Variants in VEPH1 observed in about 807,000 individuals in gnomAD.
VEPH1 encodes the protein ventricular zone expressed PH domain containing 1.
A neutral mutation model predicts 85.2 loss-of-function variants in VEPH1; 80 were observed. The ratio of observed to expected loss-of-function variants is 0.94; its 90% CI spans 0.78 to 1.13. The LOEUF (loss-of-function observed/expected upper bound fraction) is 1.13. VEPH1 is among the 50% of genes most tolerant of loss of function. The pLI is 0.00. For missense variants in VEPH1, 955 were observed against 980.5 expected, an observed-to-expected ratio of 0.97 and a Z score of 0.35; for synonymous variants, 297 against 348.0, an observed-to-expected ratio of 0.85 and a Z score of 1.63.
chr3:157,295,771 A>G (rs1718048218), intron 11 of VEPH1, among the ~76,000 whole-genome samples: 1 of 152,166 alleles, frequency 6.6e-6, no homozygotes, highest in Admixed American at 6.5e-5. Flanking sequence ...CCTGGCCAAC[A>G]TGGTGAAACC....
At chr3:157,468,697 T>C (rs1736624847) in intron 3 of VEPH1, among the ~76,000 whole-genome samples, 1 of 152,122 alleles carries the variant, frequency 6.6e-6, no homozygotes, top group South Asian at 2.1e-4. Flanking sequence ...GTTGAAGAAA[T>C]ATATTATCAA....
At chr3:157,352,832 T>C (rs1725009586) in intron 9 of VEPH1, among the ~76,000 whole-genome samples, 3 of 152,212 alleles carry the variant, frequency 2.0e-5, no homozygotes, top group Admixed American at 2.0e-4. Flanking sequence ...CAAGTTTCTT[T>C]AAGCTGTGGA....
Position 157,363,569 on chromosome 3 carries a change from GT to G in VEPH1, c.1529del (p.Tyr510SerfsTer7). ...CTGAGTCTATATGTATAATATTTGGGTATGAAACTGAAGACTCCCCCAGCTG... is the reference window on the plus strand; with the variant it reads ...CTGAGTCTATATGTATAATATTTGGGATGAAACTGAAGACTCCCCCAGCTG... ...RSQLGESSVS[Y>X]PNIIHIDSEN... On this transcript the variant is annotated frameshift_variant, in exon 9 of 14. Transcript: ENST00000362010. LOFTEE classifies it high-confidence loss of function. 1 of 1,614,086 alleles carries G rather than the reference GT, an allele frequency of 6.2e-7. No homozygotes were observed. Among genetic ancestry groups the G allele is most frequent in the South Asian group, 1.1e-5 (1 of 91,078 alleles).
intron 9 of VEPH1, among the ~76,000 whole-genome samples, chr3:157,355,369 G>C (rs1725310316): frequency 6.6e-6 from 1 of 152,216 alleles, no homozygotes. Context: ...GGCAATCTCT[G>C]CTGTTGCCAG....
At chr3:157,357,223 C>T (rs1725542904) in intron 9 of VEPH1, among the ~76,000 whole-genome samples, 1 of 152,038 alleles carries the variant, frequency 6.6e-6, no homozygotes, top group African/African-American at 2.4e-5. Flanking sequence ...TTAGCAAGGT[C>T]CCTTTAAATC....
At chr3:157,329,920 C>A (rs780910270) in intron 9 of VEPH1, among the ~76,000 whole-genome samples, 62 of 152,196 alleles carry the variant, frequency 4.1e-4, no homozygotes, top group Non-Finnish European at 7.6e-4. Context: ...ATTAATTCAA[C>A]AGAGGCTGTA....
At chr3:157,312,602 A>G (rs1195461366) in intron 11 of VEPH1, among the ~76,000 whole-genome samples, 1 of 152,170 alleles carries the variant, frequency 6.6e-6, no homozygotes, top group Non-Finnish European at 1.5e-5. Flanking sequence ...GAGTGATATT[A>G]TCATCCAGTT....
chr3:157,262,726 A>G (rs1215286745), intron 13 of VEPH1, among the ~76,000 whole-genome samples: 1 of 152,202 alleles, frequency 6.6e-6, no homozygotes, highest in Non-Finnish European at 1.5e-5. Context: ...CAGTCCGGGC[A>G]AATGTTTAAA....
intron 9 of VEPH1, among the ~76,000 whole-genome samples, chr3:157,356,230 A>T (rs1559987841): frequency 6.6e-6 from 1 of 151,490 alleles, no homozygotes; most frequent in African/African-American, 2.4e-5. Context: ...ACAAACAAAC[A>T]ACAACAACAA....
chr3:157,467,615 G>A (rs551373932), intron 3 of VEPH1, among the ~76,000 whole-genome samples: 1 of 152,308 alleles, frequency 6.6e-6, no homozygotes, highest in African/African-American at 2.4e-5. Context: ...TCCAGGGGTG[G>A]CCAGGACAAG....
chr3:157,364,262 A>G, intron 8 of VEPH1, 41 bp downstream of exon 8: 1 of 1,466,212 alleles, frequency 6.8e-7, no homozygotes. Context: ...AATAGCGAAC[A>G]TGAAGTGTAT....
At chr3:157,346,683 C>T (rs1324390908) in intron 9 of VEPH1, among the ~76,000 whole-genome samples, 3 of 152,106 alleles carry the variant, frequency 2.0e-5, no homozygotes, top group Admixed American at 6.5e-5. Context: ...TCACACTTCA[C>T]TGCAGCCTCA....
intron 9 of VEPH1, among the ~76,000 whole-genome samples, chr3:157,347,148 T>A (rs1175579465): frequency 6.6e-6 from 1 of 152,180 alleles, no homozygotes; most frequent in East Asian, 1.9e-4. Context: ...GTCTTGTTTC[T>A]TTTACAGTTT....
intron 11 of VEPH1, among the ~76,000 whole-genome samples, chr3:157,289,069 G>C (rs1717148229): frequency 6.6e-6 from 1 of 152,132 alleles, no homozygotes; most frequent in South Asian, 2.1e-4. Flanking sequence ...GAGTTTCAAA[G>C]GATACAATCC....
At chr3:157,471,943 G>A (rs1386743562) in intron 2 of VEPH1, among the ~76,000 whole-genome samples, 2 of 151,824 alleles carry the variant, frequency 1.3e-5, no homozygotes, top group Non-Finnish European at 2.9e-5. Context: ...TTTTTTGAAA[G>A]GTAATACATA....
At chr3:157,314,551 A>G (rs1348778999) in intron 10 of VEPH1, among the ~76,000 whole-genome samples, 1 of 151,994 alleles carries the variant, frequency 6.6e-6, no homozygotes, top group Non-Finnish European at 1.5e-5. Flanking sequence ...TGGTTAATAT[A>G]AATATTCATA....
chr3:157,428,124 AG>A (rs1228077986), intron 5 of VEPH1, among the ~76,000 whole-genome samples, 197 bp downstream of exon 5: 1 of 152,236 alleles, frequency 6.6e-6, no homozygotes, highest in East Asian at 1.9e-4. Context: ...CGCAGATGAC[AG>A]ATGGGACTTC....
At chr3:157,486,237 C>T (rs1258145122) in intron 2 of VEPH1, among the ~76,000 whole-genome samples, 1 of 151,896 alleles carries the variant, frequency 6.6e-6, no homozygotes, top group East Asian at 1.9e-4. Flanking sequence ...GTGGCTTATG[C>T]CTGTAATCCT....
chr3:157,324,269 G>C (rs538152485), intron 9 of VEPH1, among the ~76,000 whole-genome samples: 3 of 152,078 alleles, frequency 2.0e-5, no homozygotes, highest in Admixed American at 2.0e-4. Context: ...TGTTGGCCAG[G>C]CTGGTCTTGA....
Sources: gnomAD v4.1 joint callset for allele counts (sites outside exome capture counted in the v4.1 genomes callset) on GRCh38, gnomAD v4.1.1 for gene constraint, MANE v1.5 for transcripts, NCBI Gene and HGNC (gene_info 2026-07-23, HGNC 2026-07-21) for gene names.